PALLD: variants seen among roughly 807,000 people sequenced by gnomAD.
PALLD encodes the protein palladin.
A neutral mutation model predicts 123.5 loss-of-function variants in PALLD; 61 were observed. That is an observed-to-expected ratio of 0.49 (90% confidence interval 0.40 to 0.61). PALLD has a LOEUF of 0.61. Ranked by LOEUF, PALLD falls within the 20% of genes least tolerant of loss-of-function variation. The probability of loss-of-function intolerance (pLI) is 0.00; values close to 1 mark genes in which losing one functional copy is unlikely to be tolerated. For synonymous variants in PALLD, 465 were observed against 496.4 expected (o/e 0.94, Z 0.84); for missense variants, 1,273 against 1,377.0 (o/e 0.92, Z 1.20).
chr4:168,759,936 C>T (rs1287458562), intron 10 of PALLD, among the ~76,000 whole-genome samples: 1 of 152,036 alleles, frequency 6.6e-6, no homozygotes, highest in Non-Finnish European at 1.5e-5. Context: ...CGCCTGTAAT[C>T]CCAGCTGCTG....
intron 3 of PALLD, among the ~76,000 whole-genome samples, chr4:168,673,945 C>T (rs569832878): frequency 2.6e-4 from 39 of 151,990 alleles, no homozygotes; most frequent in Non-Finnish European, 4.6e-4. Context: ...GATGGAGTCT[C>T]GCTCTGTCAC....
intron 14 of PALLD, 48 bp downstream of exon 14, chr4:168,898,762 GT>G: frequency 8.0e-7 from 1 of 1,257,162 alleles, no homozygotes; most frequent in Non-Finnish European, 1.2e-6. Flanking sequence ...CTGAGGAAAG[GT>G]TTAGCTTCCA....
chr4:168,922,100 T>TAC (rs1257662371), intron 18 of PALLD, among the ~76,000 whole-genome samples: 2,662 of 96,378 alleles, frequency 0.028, 53 homozygotes, highest in African/African-American at 0.061. Flanking sequence ...TATATATATA[T>TAC]ATACACACAC....
chr4:168,511,185 A>G (rs1446855810), intron 1 of PALLD, among the ~76,000 whole-genome samples: 1 of 152,230 alleles, frequency 6.6e-6, no homozygotes, highest in Non-Finnish European at 1.5e-5. Flanking sequence ...TACTGCACAC[A>G]TCATCTTTTT....
At chr4:168,896,439 C>T in intron 12 of PALLD, 110 bp from the exon 13 acceptor site, 1 of 704,002 alleles carries the variant, frequency 1.4e-6, no homozygotes, top group Non-Finnish European at 2.5e-6. Context: ...ACCGTTACTA[C>T]CAAACGCATA....
At chr4:168,919,435 G>T (rs1309241399) in intron 17 of PALLD, among the ~76,000 whole-genome samples, 1 of 151,758 alleles carries the variant, frequency 6.6e-6, no homozygotes, top group Admixed American at 6.6e-5. Flanking sequence ...TGAGGCAAGA[G>T]AATTGCTTGA....
chr4:168,774,067 CTCT>C (rs1012236801), intron 10 of PALLD, among the ~76,000 whole-genome samples: 32 of 139,104 alleles, frequency 2.3e-4, no homozygotes, highest in African/African-American at 8.2e-4. Context: ...TGTTTTCTCT[CTCT>C]TTTTTTTTTT....
At chr4:168,637,729 A>G (rs574052515) in intron 2 of PALLD, among the ~76,000 whole-genome samples, 1 of 152,264 alleles carries the variant, frequency 6.6e-6, no homozygotes, top group South Asian at 2.1e-4. Flanking sequence ...GGATCACTTG[A>G]GGTCAGGAGT....
Position 168,844,329 on chromosome 4 carries a change from T to C in PALLD, c.1965-46593T>C, listed in dbSNP as rs1286274417. 6.6e-6 allele frequency: 1 copy of C among 152,252 alleles called. No individual in the cohort carries two copies. Among genetic ancestry groups the C allele is most frequent in the Non-Finnish European group, 1.5e-5 (1 of 68,054 alleles). 9.4% of individuals were successfully genotyped at this position (152,252 alleles called of 1,614,324 possible). On this transcript the variant is annotated intron_variant, in intron 10 of 21. Coordinates refer to ENST00000505667, the MANE Select transcript of PALLD (RefSeq NM_001166108.2). This position sits in a 1 kb window ranked among gnomAD's most constrained non-coding sequence, Gnocchi z 4.5. ...TTAGTCAATACATATTCAGTGATGC[T>C]GGTTATTTACAAAGTATTTTATCTA...
chr4:168,520,067 C>A (rs1580101208), intron 2 of PALLD, among the ~76,000 whole-genome samples: 1 of 151,732 alleles, frequency 6.6e-6, no homozygotes, highest in Non-Finnish European at 1.5e-5. Context: ...TGGCTCATGC[C>A]TGTAATCCCA....
At chr4:168,806,003 G>A (rs966350303) in intron 10 of PALLD, among the ~76,000 whole-genome samples, 2 of 152,118 alleles carry the variant, frequency 1.3e-5, no homozygotes, top group African/African-American at 2.4e-5. Flanking sequence ...GGGGGCGGAC[G>A]TTCCCTTTGC....
Position 168,511,416 on chromosome 4 carries a change from C to A in PALLD, c.-82-7C>A. 1 of 971,282 alleles carries A rather than the reference C, an allele frequency of 1.0e-6. No homozygotes were observed. The highest frequency in any genetic ancestry group is 1.6e-6 in the Non-Finnish European group (1 of 606,432). 60.2% of individuals were successfully genotyped at this position (971,282 alleles called of 1,614,324 possible). ...TGCTACTAATGACATTCTATGCTGT[C>A]TTTCAGAACACAGTTTCAGAAAACA... On this transcript the variant is annotated splice_polypyrimidine_tract_variant and splice_region_variant and intron_variant, in intron 1 of 21. Coordinates refer to ENST00000505667, the MANE Select transcript of PALLD (RefSeq NM_001166108.2).
At chr4:168,641,368 T>C (rs1314106548) in intron 2 of PALLD, among the ~76,000 whole-genome samples, 1 of 152,096 alleles carries the variant, frequency 6.6e-6, no homozygotes, top group Non-Finnish European at 1.5e-5. Context: ...TCCTAAACTA[T>C]GCTGTCTAGG....
chr4:168,860,288 C>A (rs1310390611), intron 10 of PALLD, among the ~76,000 whole-genome samples: 1 of 152,178 alleles, frequency 6.6e-6, no homozygotes, highest in Non-Finnish European at 1.5e-5. Context: ...TGACACCAGA[C>A]CCTCAACCAC....
In PALLD at chr4:168,711,656, C is replaced by T. The variant is rs758274223; in HGVS notation, c.1697C>T (p.Pro566Leu). Residue 566 changes from proline (P) to leucine (L), a missense_variant, in exon 10 of 22, where the codon CCT (proline) becomes CTT (leucine). Pro to Leu is a moderately conservative substitution (Grantham distance 98). Coordinates refer to ENST00000505667, the MANE Select transcript of PALLD (RefSeq NM_001166108.2). ...CACTTCCAACACTTTCCACCTCCCC[C>T]TCCAATCTTGGAGACAAGTTCCTTG... ...NDHFQHFPPP[P>L]PILETSSLEL... is the part of the protein sequence containing the mutation. The T allele has an allele frequency of 1.9e-6, 3 of 1,614,158 alleles. No individual in the cohort carries two copies. In the South Asian group the frequency reaches 3.3e-5, roughly 18 times the overall value.
chr4:168,705,564 A>G (rs141715619), intron 8 of PALLD, among the ~76,000 whole-genome samples: 2,637 of 152,306 alleles, frequency 0.017, 86 homozygotes, highest in South Asian at 0.14. Flanking sequence ...TGTTTGAGCA[A>G]CTTCTTCCTG....
intron 10 of PALLD, among the ~76,000 whole-genome samples, chr4:168,761,394 T>C (rs1239097939): frequency 2.0e-5 from 3 of 152,176 alleles, no homozygotes; most frequent in Non-Finnish European, 4.4e-5. Context: ...GTTAAAGTCA[T>C]ATCCACAGGA....
Position 168,759,200 on chromosome 4 carries a change from AAAATATATATATATATATATATATAT to A in PALLD, c.1964+47279_1964+47304del, listed in dbSNP as rs1362143674. ...ATCTCAAAAAAAAAAAAAAAAAAAA[AAAATATATATATATATATATATATAT>A]ATATATATATATATATATAGAAACA... On this transcript the variant is annotated intron_variant, in intron 10 of 21. Transcript: ENST00000505667. Among the ~76,000 whole-genome samples the A allele has an allele frequency of 4.6e-4, 13 of 27,966 alleles. No homozygotes were observed. In the East Asian group the frequency reaches 0.01, roughly 22 times the overall value. The allele number at this position is 27,966 out of a possible 152,430, so 18.3% of individuals were successfully genotyped here. A position where few individuals can be genotyped will look rare whatever the true frequency, so the allele number is the denominator to read the frequency against.
At chr4:168,899,516 T>G (rs1755988051) in intron 14 of PALLD, among the ~76,000 whole-genome samples, 1 of 152,198 alleles carries the variant, frequency 6.6e-6, no homozygotes, top group South Asian at 2.1e-4. Context: ...AAGCAAAAAG[T>G]TGCCTTATAT....
Sources: allele counts gnomAD v4.1 joint callset (sites outside exome capture counted in the v4.1 genomes callset), GRCh38; gene constraint gnomAD v4.1.1; non-coding constraint Gnocchi (gnomAD v3.1); transcripts MANE v1.5; gene names NCBI Gene and HGNC (gene_info 2026-07-23, HGNC 2026-07-21).